The following STX3 variants were observed in gnomAD, a reference collection of about 807,000 sequenced individuals.
STX3 encodes the protein syntaxin 3.
STX3 carries 19 observed loss-of-function variants against 40.2 expected under a neutral mutation model. That is an observed-to-expected ratio of 0.47 (90% CI 0.33 to 0.69). The LOEUF is 0.69. Ranked by LOEUF, STX3 falls within the 30% of genes least tolerant of loss-of-function variation. STX3 has a pLI of 0.02. For synonymous variants in STX3, 122 were observed against 132.2 expected, an observed-to-expected ratio of 0.92 and a Z score of 0.53; for missense variants, 364 against 366.7, an observed-to-expected ratio of 0.99 and a Z score of 0.06.
chr11:59,790,018 C>G (rs1865023513), intron 4 of STX3, among the ~76,000 whole-genome samples: 1 of 152,176 alleles, frequency 6.6e-6, no homozygotes, highest in South Asian at 2.1e-4. Flanking sequence ...TTGCTCAGCT[C>G]AATTTACCAT....
In STX3 at chr11:59,793,435, AG is replaced by A; in HGVS notation, c.598del (p.Asp200ThrfsTer3). The A allele has an allele frequency of 6.2e-7, 1 of 1,614,216 alleles. No homozygotes were observed. Among genetic ancestry groups the A allele is most frequent in the Non-Finnish European group, 8.5e-7 (1 of 1,180,036 alleles). On this transcript the variant is annotated frameshift_variant, in exon 8 of 11. Transcript: ENST00000337979. LOFTEE classifies it high-confidence loss of function. The part of the protein sequence containing the change: ...QALSEIEGRH[K>X]DIVRLESSIK... Reference sequence around the variant, plus strand: ...CTCAGTGAGATTGAGGGACGACACAAGGACATTGTGAGGCTGGAGAGCAGCA... The same window carrying A: ...CTCAGTGAGATTGAGGGACGACACAAGACATTGTGAGGCTGGAGAGCAGCA...
chr11:59,795,831 AC>A, intron 9 of STX3: 1 of 833,338 alleles, frequency 1.2e-6, no homozygotes, highest in Non-Finnish European at 1.9e-6. Flanking sequence ...AGCCTCATCA[AC>A]CCCTCCCTCA....
chr11:59,788,846 G>C, intron 3 of STX3, 27 bp from the exon 4 acceptor site: 1 of 1,602,268 alleles, frequency 6.2e-7, no homozygotes, highest in Non-Finnish European at 8.5e-7. Context: ...CCTTTCTAAC[G>C]GATTCTGCCT....
chr11:59,795,013 G>A (rs1865429050), intron 8 of STX3, among the ~76,000 whole-genome samples: 1 of 152,170 alleles, frequency 6.6e-6, no homozygotes. Flanking sequence ...ATAACAATGA[G>A]ATATCCTTAT....
intron 2 of STX3, chr11:59,781,520 A>G (rs987262995): frequency 8.7e-6 from 14 of 1,613,924 alleles, no homozygotes; most frequent in Non-Finnish European, 1.2e-5. Context: ...CTCCCAGGGT[A>G]CAAGAAAACT....
intron 2 of STX3, among the ~76,000 whole-genome samples, chr11:59,780,168 T>C (rs949488236): frequency 6.6e-6 from 1 of 152,220 alleles, no homozygotes; most frequent in African/African-American, 2.4e-5. Flanking sequence ...GAGAGTGTTA[T>C]GGACTGAATG....
chr11:59,766,428 C>T (rs554116823), intron 1 of STX3, among the ~76,000 whole-genome samples: 2 of 152,016 alleles, frequency 1.3e-5, no homozygotes, highest in Non-Finnish European at 2.9e-5. Context: ...TATATTGAAT[C>T]CCAGTGTATA....
rs560041834 is a variant in STX3 at position 59,788,513 on chromosome 11, A to G, written c.215-360A>G. Reference sequence around the variant, plus strand: ...GCCTTGGTTGAAATCTATTTTCCCCATAAGCTCCCTAGAACCTTCTCAACC... The same window carrying G: ...GCCTTGGTTGAAATCTATTTTCCCCGTAAGCTCCCTAGAACCTTCTCAACC... On this transcript the variant is annotated intron_variant, in intron 3 of 10. Coordinates refer to ENST00000337979, the MANE Select transcript of STX3 (RefSeq NM_004177.5). Among the ~76,000 whole-genome samples, 4 of 152,282 alleles carry G rather than the reference A, an allele frequency of 2.6e-5. No individual in the cohort carries two copies. In the East Asian group the frequency reaches 7.7e-4, roughly 29 times the overall value.
At chr11:59,799,939 G>T (rs1865776682) in intron 10 of STX3, 1 of 981,106 alleles carries the variant, frequency 1.0e-6, no homozygotes, top group Non-Finnish European at 1.2e-6. Context: ...ATTTTAAAAA[G>T]ATATAAGAGT....
intron 1 of STX3, among the ~76,000 whole-genome samples, chr11:59,756,760 A>G (rs1304241412): frequency 6.6e-6 from 1 of 152,224 alleles, no homozygotes; most frequent in African/African-American, 2.4e-5. Flanking sequence ...TAAAATGGGT[A>G]GTTGTAAGGT....
intron 1 of STX3, among the ~76,000 whole-genome samples, chr11:59,770,193 A>G (rs936356763): frequency 4.8e-5 from 7 of 147,064 alleles, no homozygotes; most frequent in Admixed American, 1.4e-4. Context: ...CTGTATGTGT[A>G]TGAAAGGTAT....
In STX3 at chr11:59,803,314, G is replaced by C. The variant is rs764026853; in HGVS notation, c.*2490G>C. On this transcript the variant is annotated 3_prime_UTR_variant, in exon 11 of 11. Coordinates refer to ENST00000337979, the MANE Select transcript of STX3 (RefSeq NM_004177.5). The stretch of plus-strand genomic sequence containing the variant: ...TGCCTGAAAAAGGTGAGCCATCTGT[G>C]GGGAGGGTCAGACCTTCTTTCACTG... The C allele has an allele frequency of 3.6e-5, 44 of 1,230,028 alleles. No homozygotes were observed. The highest frequency in any genetic ancestry group is 4.4e-5 in the Non-Finnish European group (43 of 986,418). The allele number at this position is 1,230,028 out of a possible 1,614,324, so 76.2% of individuals were successfully genotyped here. A position where few individuals can be genotyped will look rare whatever the true frequency, so the allele number is the denominator to read the frequency against.
intron 1 of STX3, among the ~76,000 whole-genome samples, chr11:59,770,506 A>G (rs1468469725): frequency 6.6e-6 from 1 of 151,752 alleles, no homozygotes; most frequent in East Asian, 1.9e-4. Context: ...AAGCTTATTG[A>G]CTCACTCTCC....
chr11:59,803,056 G>C lies in STX3; in HGVS notation c.*2232G>C, dbSNP rs1437772702. ...ATGTCTCACCAAAAATAACATTTCT[G>C]TTGGCATTCTGGGTCCTAGAAGCCA... is the stretch of plus-strand genomic sequence containing the variant. On this transcript the variant is annotated 3_prime_UTR_variant, in exon 11 of 11. Transcript: ENST00000337979. 1.0e-6 allele frequency: 1 copy of C among 985,240 alleles called. No homozygotes were observed. The highest frequency in any genetic ancestry group is 1.2e-6 in the Non-Finnish European group (1 of 829,932). 61.0% of individuals were successfully genotyped at this position (985,240 alleles called of 1,614,324 possible). A position where few individuals can be genotyped will look rare whatever the true frequency, so the allele number is the denominator to read the frequency against.
chr11:59,769,241 C>T (rs1863431318), intron 1 of STX3, among the ~76,000 whole-genome samples: 1 of 151,842 alleles, frequency 6.6e-6, no homozygotes, highest in Non-Finnish European at 1.5e-5. Context: ...ACTGACTTAG[C>T]CTTTAGTTTG....
intron 8 of STX3, 100 bp downstream of exon 8, chr11:59,793,614 G>A: frequency 6.8e-7 from 1 of 1,465,942 alleles, no homozygotes; most frequent in Non-Finnish European, 9.1e-7. Context: ...GTGAGGTAGG[G>A]TGGGAGAACC....
intron 5 of STX3, 113 bp from the exon 6 acceptor site, chr11:59,791,994 G>A: frequency 1.1e-6 from 1 of 885,594 alleles, no homozygotes; most frequent in Non-Finnish European, 1.8e-6. Context: ...TTGACACCTG[G>A]TTTTTTGATT....
intron 4 of STX3, among the ~76,000 whole-genome samples, chr11:59,790,060 T>A (rs1408474478): frequency 6.6e-6 from 1 of 152,232 alleles, no homozygotes; most frequent in African/African-American, 2.4e-5. Context: ...CAATAACTAT[T>A]TTAACTGGAG....
intron 2 of STX3, among the ~76,000 whole-genome samples, chr11:59,779,130 G>C (rs150481558): frequency 1.3e-5 from 2 of 152,138 alleles, no homozygotes; most frequent in East Asian, 1.9e-4. Context: ...GAGGCACCAC[G>C]CTGGCCAAAA....
Sources: allele counts gnomAD v4.1 joint callset (sites outside exome capture counted in the v4.1 genomes callset), GRCh38; gene constraint gnomAD v4.1.1; transcripts MANE v1.5; gene names NCBI Gene and HGNC (gene_info 2026-07-23, HGNC 2026-07-21).